Variants in EYS observed in about 807,000 individuals in gnomAD.
The protein encoded by EYS is EGF-like photoreceptor maintenance factor, also known as protein eyes shut homolog.
In EYS, 250 loss-of-function variants were observed where a neutral mutation model predicts 282.1. That is an observed-to-expected ratio of 0.89 (90% confidence interval 0.80 to 0.98). The LOEUF is 0.98. Ranked by LOEUF, EYS falls within the 50% of genes least tolerant of loss-of-function variation. The probability of loss-of-function intolerance (pLI) is 0.00; values close to 1 mark genes in which losing one functional copy is unlikely to be tolerated. For synonymous variants in EYS, 1,355 were observed against 1,282.9 expected (o/e 1.06, Z -1.20); for missense variants, 4,016 against 3,709.0 (o/e 1.08, Z -2.15).
intron 8 of EYS, among the ~76,000 whole-genome samples, chr6:65,354,266 A>C (rs931034161): frequency 2.0e-5 from 3 of 152,102 alleles, no homozygotes; most frequent in African/African-American, 7.2e-5. Flanking sequence ...AACTAGGGCT[A>C]TGTATTCTCT....
At chr6:64,710,335 C>T (rs1387880568) in intron 22 of EYS, among the ~76,000 whole-genome samples, 1 of 152,210 alleles carries the variant, frequency 6.6e-6, no homozygotes, top group Non-Finnish European at 1.5e-5. Context: ...TACAACCCTT[C>T]CTCTTCTACC....
intron 22 of EYS, among the ~76,000 whole-genome samples, chr6:64,640,288 T>C (rs1363316074): frequency 6.7e-6 from 1 of 149,534 alleles, no homozygotes; most frequent in Non-Finnish European, 1.5e-5. Flanking sequence ...ATTGCGGCAC[T>C]ATTCACAATA....
chr6:64,821,710 T>C lies in EYS; in HGVS notation c.3178A>G (p.Ile1060Val). ...TCACATGAACATGGATATTCATTAA[T>C]AAGTTCTGTGCACCTGAAACACAGA... The part of the protein sequence containing the change: ...PCLHGRCTEL[I>V]NEYPCSCDAD... The change falls in exon 21 of 43, where the codon ATT (isoleucine) becomes GTT (valine). Residue 1060 changes from isoleucine to valine, a missense_variant. By Grantham distance (29) the Ile-to-Val change is conservative. Coordinates refer to ENST00000503581, the MANE Select transcript of EYS (RefSeq NM_001142800.2). 1 of 1,521,064 alleles carries C rather than the reference T, an allele frequency of 6.6e-7. No individual in the cohort carries two copies. Among genetic ancestry groups the C allele is most frequent in the Non-Finnish European group, 8.9e-7 (1 of 1,122,036 alleles). 94.2% of individuals were successfully genotyped at this position (1,521,064 alleles called of 1,614,324 possible). A position where few individuals can be genotyped will look rare whatever the true frequency, so the allele number is the denominator to read the frequency against.
chr6:63,865,839 A>G (rs902218102), intron 35 of EYS, among the ~76,000 whole-genome samples: 2 of 152,204 alleles, frequency 1.3e-5, no homozygotes, highest in Admixed American at 6.5e-5. Context: ...AATATTCTCC[A>G]TGATAATGTT....
intron 12 of EYS, among the ~76,000 whole-genome samples, chr6:65,119,579 C>A (rs780799460): frequency 5.3e-5 from 8 of 151,510 alleles, no homozygotes; most frequent in Non-Finnish European, 1.2e-4. Flanking sequence ...CTGGGGTTTG[C>A]CACACTCTGG....
chr6:64,023,392 T>C (rs1466885527), intron 33 of EYS, among the ~76,000 whole-genome samples: 1 of 152,236 alleles, frequency 6.6e-6, no homozygotes, highest in Non-Finnish European at 1.5e-5. Context: ...ATATAGTAAA[T>C]ACGTGTTTAA....
chr6:64,941,638 G>T (rs1044119905), intron 15 of EYS, among the ~76,000 whole-genome samples: 1 of 151,998 alleles, frequency 6.6e-6, no homozygotes, highest in African/African-American at 2.4e-5. Flanking sequence ...ATTCCCCAGT[G>T]TTTATTACTG....
chr6:64,552,001 T>C lies in EYS; in HGVS notation c.5644+38222A>G, dbSNP rs528278772. Among the ~76,000 whole-genome samples, 4 of 152,208 alleles carry C rather than the reference T, an allele frequency of 2.6e-5. No homozygotes were observed. The East Asian group carries it at 7.8e-4, about 30-fold the overall frequency. ...GGCAGGCTGGTCTCAAACTCCTGAC[T>C]TCACGTGATTCACCCACCTTGGCCT... On this transcript the variant is annotated intron_variant, in intron 26 of 42. Transcript: ENST00000503581.
At chr6:65,460,668 G>A (rs1764799752) in intron 5 of EYS, among the ~76,000 whole-genome samples, 1 of 152,068 alleles carries the variant, frequency 6.6e-6, no homozygotes, top group Admixed American at 6.6e-5. Flanking sequence ...TTTCAGTCAA[G>A]TACATGAACA....
At chr6:64,038,435 A>G (rs1047093309) in intron 33 of EYS, among the ~76,000 whole-genome samples, 1 of 152,142 alleles carries the variant, frequency 6.6e-6, no homozygotes, top group Non-Finnish European at 1.5e-5. Flanking sequence ...ATAAATATAT[A>G]TGATTTTACC....
At chr6:64,410,218 A>T (rs1435392931) in intron 28 of EYS, among the ~76,000 whole-genome samples, 2 of 152,196 alleles carry the variant, frequency 1.3e-5, no homozygotes, top group Admixed American at 6.6e-5. Flanking sequence ...TCCAACAGTC[A>T]GATTCTGTTC....
chr6:64,292,107 G>A (rs1768736489), intron 30 of EYS, among the ~76,000 whole-genome samples: 1 of 152,086 alleles, frequency 6.6e-6, no homozygotes, highest in Admixed American at 6.6e-5. Context: ...GCTGAACTTT[G>A]AAACTTGGTG....
intron 18 of EYS, among the ~76,000 whole-genome samples, chr6:64,901,113 C>G (rs11754500): frequency 0.087 from 13,138 of 151,600 alleles, 660 homozygotes; most frequent in African/African-American, 0.14. Flanking sequence ...AGCTGGAAAC[C>G]ATCATTCTTT....
chr6:64,299,026 A>G (rs1769135949), intron 30 of EYS, among the ~76,000 whole-genome samples: 1 of 152,214 alleles, frequency 6.6e-6, no homozygotes, highest in Non-Finnish European at 1.5e-5. Flanking sequence ...GGGTGGTGGG[A>G]AAAATTGTAA....
At chr6:65,039,661 C>T (rs956437697) in intron 13 of EYS, among the ~76,000 whole-genome samples, 1 of 151,028 alleles carries the variant, frequency 6.6e-6, no homozygotes, top group Non-Finnish European at 1.5e-5. Flanking sequence ...GCATATTTTC[C>T]TTTTTAAAAA....
At chr6:64,324,913 G>A (rs1770354890) in intron 29 of EYS, among the ~76,000 whole-genome samples, 1 of 152,062 alleles carries the variant, frequency 6.6e-6, no homozygotes, top group Non-Finnish European at 1.5e-5. Flanking sequence ...AACCAAATAG[G>A]TGAAAGACCA....
intron 35 of EYS, among the ~76,000 whole-genome samples, chr6:63,884,773 G>C (rs962733853): frequency 6.6e-6 from 1 of 151,862 alleles, no homozygotes; most frequent in East Asian, 1.9e-4. Flanking sequence ...TATTAACATA[G>C]GGAAAAATCA....
At chr6:63,991,066 A>G (rs868753639) in intron 34 of EYS, among the ~76,000 whole-genome samples, 1 of 151,758 alleles carries the variant, frequency 6.6e-6, no homozygotes, top group South Asian at 2.1e-4. Flanking sequence ...AGCTTGTGGC[A>G]GATCCAGAGA....
At chr6:64,670,930 A>C (rs757462821) in intron 22 of EYS, among the ~76,000 whole-genome samples, 2 of 151,736 alleles carry the variant, frequency 1.3e-5, no homozygotes, top group Non-Finnish European at 2.9e-5. Context: ...TGATAAGTAA[A>C]AGTGGAGTCC....
Sources: allele counts gnomAD v4.1 joint callset (sites outside exome capture counted in the v4.1 genomes callset), GRCh38; gene constraint gnomAD v4.1.1; transcripts MANE v1.5; gene names NCBI Gene and HGNC (gene_info 2026-07-23, HGNC 2026-07-21).